Variants in MPP7 observed in about 807,000 individuals in gnomAD.
The protein encoded by MPP7 is MAGUK p55 subfamily member 7.
In MPP7, 60 loss-of-function variants were observed where a neutral mutation model predicts 76.5. The ratio of observed to expected loss-of-function variants is 0.78; its 90% confidence interval spans 0.64 to 0.97. The LOEUF is 0.97. Among genes scored for constraint, MPP7 ranks in the 50% least tolerant of loss-of-function variants. The pLI is 0.00. For missense variants in MPP7, 641 were observed against 694.0 expected (o/e 0.92, Z 0.86); for synonymous variants, 237 against 244.5 (o/e 0.97, Z 0.29).
At chr10:28,199,615 A>G (rs1837702468) in intron 3 of MPP7, among the ~76,000 whole-genome samples, 2 of 144,088 alleles carry the variant, frequency 1.4e-5, no homozygotes, top group South Asian at 2.6e-4. Context: ...CCTGCCCCCA[A>G]ACTTTTTTTT....
chr10:28,093,518 C>T (rs1349515754), intron 11 of MPP7, among the ~76,000 whole-genome samples: 4 of 150,798 alleles, frequency 2.7e-5, no homozygotes, highest in Non-Finnish European at 5.9e-5. Context: ...GCAATCTCAG[C>T]TCACTGCAGC....
At chr10:28,231,588 GTAA>G in intron 2 of MPP7, among the ~76,000 whole-genome samples, 1 of 148,426 alleles carries the variant, frequency 6.7e-6, no homozygotes, top group Non-Finnish European at 1.5e-5. Flanking sequence ...CAGGTACGAA[GTAA>G]TAATAATACA....
rs762551792 is a variant in MPP7 at position 28,202,240 on chromosome 10, G to A, written c.69C>T (p.Ala23=). The A allele has an allele frequency of 2.5e-6, 4 of 1,613,174 alleles. No individual in the cohort carries two copies. In the East Asian group the frequency reaches 8.9e-5, roughly 36 times the overall value. ...GLYELLAALP[A]QLQPHVDSQE... is the part of the protein sequence containing the mutation. ...GGCTATCCACATGTGGCTGCAGCTG[G>A]GCTGGCAGAGCAGCCAACAGCTCAT... The change falls in exon 3 of 17, where the codon GCC becomes GCT. Residue 23 remains alanine (A), a synonymous_variant. Transcript: ENST00000683449.
At chr10:28,062,980 AGATT>A (rs893897529) in intron 13 of MPP7, among the ~76,000 whole-genome samples, 2 of 152,220 alleles carry the variant, frequency 1.3e-5, no homozygotes, top group African/African-American at 4.8e-5. Flanking sequence ...CATAAAAGAA[AGATT>A]GATAAATTAG....
intron 1 of MPP7, among the ~76,000 whole-genome samples, chr10:28,268,457 C>A (rs577387084): frequency 6.6e-6 from 1 of 152,192 alleles, no homozygotes; most frequent in Admixed American, 6.5e-5. Context: ...AGGGGCCAGG[C>A]GCGGTGGCTC....
At chr10:28,198,170 T>C (rs1837649174) in intron 3 of MPP7, among the ~76,000 whole-genome samples, 1 of 152,188 alleles carries the variant, frequency 6.6e-6, no homozygotes, top group African/African-American at 2.4e-5. Context: ...GGGGTAAACA[T>C]AACACAACCA....
chr10:28,278,192 T>C (rs894167972), intron 1 of MPP7, among the ~76,000 whole-genome samples: 1 of 152,086 alleles, frequency 6.6e-6, no homozygotes, highest in African/African-American at 2.4e-5. Flanking sequence ...CAATAACAAG[T>C]TCCCAAAGTG....
chr10:28,309,030 C>T (rs1841274554), intron 2 of MPP7, among the ~76,000 whole-genome samples: 1 of 152,058 alleles, frequency 6.6e-6, no homozygotes, highest in South Asian at 2.1e-4. Context: ...ATCACTTGAC[C>T]CAAGGAAGCA....
In MPP7 at chr10:28,127,131, T is replaced by C. The variant is rs558771184; in HGVS notation, c.448-2040A>G. ...GAATTAGTTAAGTGGAACCAATCTCTCTCTGTACTATGGACTGTACAGTTT... is the reference window on the plus strand; with the variant it reads ...GAATTAGTTAAGTGGAACCAATCTCCCTCTGTACTATGGACTGTACAGTTT... On this transcript the variant is annotated intron_variant, in intron 6 of 16. Transcript: ENST00000683449. 4.4e-4 allele frequency among the ~76,000 whole-genome samples: 67 copies of C among 152,316 alleles called. 1 individual carries two copies. The South Asian group carries it at 5.4e-3, about 12-fold the overall frequency.
At chr10:28,194,787 G>C (rs112027689) in intron 3 of MPP7, among the ~76,000 whole-genome samples, 147 of 152,304 alleles carry the variant, frequency 9.7e-4, no homozygotes, top group African/African-American at 3.4e-3. Context: ...TGTAATAATA[G>C]ATGCAAGACA....
chr10:28,231,601 A>T (rs1838886912), intron 2 of MPP7, among the ~76,000 whole-genome samples: 1 of 152,092 alleles, frequency 6.6e-6, no homozygotes, highest in South Asian at 2.1e-4. Context: ...ATAATAATAC[A>T]AATAATTCTT....
At chr10:28,204,046 G>C (rs1295597243) in intron 2 of MPP7, among the ~76,000 whole-genome samples, 1 of 152,098 alleles carries the variant, frequency 6.6e-6, no homozygotes, top group Non-Finnish European at 1.5e-5. Context: ...AACACAGCTA[G>C]ATTCAAACTC....
upstream of MPP7, among the ~76,000 whole-genome samples, chr10:28,304,744 G>A (rs1457408130): frequency 6.6e-6 from 1 of 152,134 alleles, no homozygotes; most frequent in East Asian, 1.9e-4. Context: ...CCCTTCAAAA[G>A]TTTCTTCTAC....
intron 2 of MPP7, among the ~76,000 whole-genome samples, chr10:28,226,000 T>C (rs1204414682): frequency 6.6e-6 from 1 of 152,126 alleles, no homozygotes; most frequent in Non-Finnish European, 1.5e-5. Context: ...GTCCACCAAC[T>C]GATAAATGGA....
intron 4 of MPP7, among the ~76,000 whole-genome samples, chr10:28,147,855 T>A (rs1340312347): frequency 1.3e-5 from 2 of 152,138 alleles, no homozygotes; most frequent in East Asian, 3.9e-4. Flanking sequence ...ATGTGAATGG[T>A]CTTTTGCACC....
rs138709330 is a variant in MPP7, at chr10:28,324,660, T to A, written c.-132+5269A>T. Among the ~76,000 whole-genome samples the A allele has an allele frequency of 6.6e-4, 100 of 152,326 alleles. 2 individuals carry two copies. In the East Asian group the frequency reaches 0.015, roughly 23 times the overall value. ...ATACGGTAATAAAGATTCTTCTTTTTAAATACATTTCATAATGAGAACTGG... is the reference window on the plus strand; with the variant it reads ...ATACGGTAATAAAGATTCTTCTTTTAAAATACATTTCATAATGAGAACTGG... On this transcript the variant is annotated intron_variant, in intron 2 of 11. Coordinates refer to the MPP7 transcript ENST00000441595.
chr10:28,129,788 G>A (rs892641098), intron 6 of MPP7, among the ~76,000 whole-genome samples: 2 of 151,982 alleles, frequency 1.3e-5, no homozygotes, highest in African/African-American at 2.4e-5. Context: ...AAACCCTCCT[G>A]ATATAAATCC....
intron 11 of MPP7, chr10:28,118,108 T>G (rs1199370407): frequency 2.1e-6 from 2 of 972,200 alleles, no homozygotes; most frequent in East Asian, 2.3e-4. Context: ...AGTATTAACA[T>G]AAAAAAGAAA....
At chr10:28,259,983 T>C (rs377759989) in intron 1 of MPP7, among the ~76,000 whole-genome samples, 1 of 152,084 alleles carries the variant, frequency 6.6e-6, no homozygotes, top group African/African-American at 2.4e-5. Flanking sequence ...AGTCTGTCAC[T>C]CTGTCCCCCA....
Sources: allele counts gnomAD v4.1 joint callset (sites outside exome capture counted in the v4.1 genomes callset), GRCh38; gene constraint gnomAD v4.1.1; transcripts MANE v1.5; gene names NCBI Gene and HGNC (gene_info 2026-07-23, HGNC 2026-07-21).